NEMF: variants seen among roughly 807,000 people sequenced by gnomAD.
NEMF encodes the protein ribosome quality control complex subunit NEMF.
A neutral mutation model predicts 162.2 loss-of-function variants in NEMF; 89 were observed. The ratio of observed to expected loss-of-function variants is 0.55; its 90% CI spans 0.46 to 0.65. NEMF has a LOEUF of 0.65. Among genes scored for constraint, NEMF ranks in the 30% least tolerant of loss-of-function variants. The pLI is 0.00. For missense variants in NEMF, 1,133 were observed against 1,261.9 expected (o/e 0.90, Z 1.55); for synonymous variants, 421 against 404.5 (o/e 1.04, Z -0.49).
At chr14:49,850,902 C>T (rs1893740921) in intron 3 of NEMF, among the ~76,000 whole-genome samples, 1 of 152,112 alleles carries the variant, frequency 6.6e-6, no homozygotes, top group African/African-American at 2.4e-5. Context: ...GAAAATTATA[C>T]TTTAAAAAAA....
intron 32 of NEMF, 101 bp from the exon 33 acceptor site, chr14:49,784,814 G>T: frequency 7.2e-7 from 1 of 1,390,724 alleles, no homozygotes; most frequent in Non-Finnish European, 1.0e-6. Context: ...TAGCTGAGAT[G>T]GTTTTACTGC....
At chr14:49,830,621 G>A (rs1263078347) in intron 11 of NEMF, among the ~76,000 whole-genome samples, 1 of 152,214 alleles carries the variant, frequency 6.6e-6, no homozygotes, top group Middle Eastern at 3.2e-3. Flanking sequence ...CTGACCTCAA[G>A]TGATCTGCCC....
chr14:49,819,950 T>C (rs148824058), intron 16 of NEMF: 1 of 153,668 alleles, frequency 6.5e-6, no homozygotes, highest in East Asian at 1.9e-4. Flanking sequence ...CATTTTTTTT[T>C]TTTGTTTTTG....
At chr14:49,839,994 A>C (rs1288316718) in intron 5 of NEMF, among the ~76,000 whole-genome samples, 4 of 152,168 alleles carry the variant, frequency 2.6e-5, no homozygotes, top group African/African-American at 9.7e-5. Context: ...CCCCATGTCT[A>C]CAAAAAAATT....
At chr14:49,788,678 C>T (rs961191035) in intron 28 of NEMF, among the ~76,000 whole-genome samples, 10 of 151,844 alleles carry the variant, frequency 6.6e-5, no homozygotes, top group Non-Finnish European at 1.2e-4. Flanking sequence ...CCTCAGCCTC[C>T]CAAGTAGCTG....
intron 17 of NEMF, among the ~76,000 whole-genome samples, 157 bp from the exon 18 acceptor site, chr14:49,814,207 C>A (rs544226614): frequency 2.6e-5 from 4 of 151,994 alleles, no homozygotes; most frequent in African/African-American, 9.6e-5. Flanking sequence ...TCAGGCAATT[C>A]TCCCACCTCA....
chr14:49,846,722 C>T (rs1215803120), intron 3 of NEMF, among the ~76,000 whole-genome samples: 1 of 152,186 alleles, frequency 6.6e-6, no homozygotes, highest in Non-Finnish European at 1.5e-5. Flanking sequence ...GCCTTGGCCT[C>T]CCAAAGTGCT....
intron 11 of NEMF, among the ~76,000 whole-genome samples, chr14:49,830,582 A>G (rs143222702): frequency 1.6e-3 from 237 of 152,274 alleles, no homozygotes; most frequent in African/African-American, 5.4e-3. Flanking sequence ...ACAGGTTTTC[A>G]CCATGCTGGC....
intron 18 of NEMF, among the ~76,000 whole-genome samples, chr14:49,810,558 A>G (rs1273967014): frequency 2.0e-5 from 3 of 152,180 alleles, no homozygotes; most frequent in African/African-American, 7.2e-5. Flanking sequence ...GTTACTCTGT[A>G]GAAAGCTTTA....
At chr14:49,850,749 C>A (rs781136458) in intron 3 of NEMF, among the ~76,000 whole-genome samples, 1 of 150,174 alleles carries the variant, frequency 6.7e-6, no homozygotes, top group South Asian at 2.1e-4. Context: ...CAGAGGAATA[C>A]GACTCACAAA....
At chr14:49,792,945 C>A (rs1408452666) in intron 26 of NEMF, among the ~76,000 whole-genome samples, 1 of 152,092 alleles carries the variant, frequency 6.6e-6, no homozygotes, top group African/African-American at 2.4e-5. Context: ...CACACCACTG[C>A]AGTCCAGCCT....
chr14:49,848,425 T>C (rs1036762045), intron 3 of NEMF, among the ~76,000 whole-genome samples: 1 of 152,200 alleles, frequency 6.6e-6, no homozygotes, highest in African/African-American at 2.4e-5. Flanking sequence ...TATTGAAGTA[T>C]GACATGGACT....
chr14:49,827,153 T>C (rs986301341), intron 15 of NEMF, among the ~76,000 whole-genome samples: 3 of 152,150 alleles, frequency 2.0e-5, no homozygotes, highest in East Asian at 1.9e-4. Flanking sequence ...GGGAAGCAAC[T>C]GGAAGAGAAA....
chr14:49,788,467 A>G (rs886976014), intron 28 of NEMF, among the ~76,000 whole-genome samples: 10 of 151,986 alleles, frequency 6.6e-5, no homozygotes, highest in African/African-American at 2.4e-4. Flanking sequence ...ATTATGTACG[A>G]CCATATGGCA....
At chr14:49,810,022 T>C (rs374467472) in intron 18 of NEMF, among the ~76,000 whole-genome samples, 1 of 152,024 alleles carries the variant, frequency 6.6e-6, no homozygotes, top group South Asian at 2.1e-4. Context: ...GAAATCACTA[T>C]ACATTCTGCT....
intron 18 of NEMF, among the ~76,000 whole-genome samples, chr14:49,807,101 T>C (rs2139878803): frequency 6.6e-6 from 1 of 152,354 alleles, no homozygotes; most frequent in Non-Finnish European, 1.5e-5. Context: ...CTCTATGGTT[T>C]TGCCTATTTT....
chr14:49,841,420 C>G (rs1260576629), intron 4 of NEMF, among the ~76,000 whole-genome samples: 2 of 150,302 alleles, frequency 1.3e-5, no homozygotes, highest in Non-Finnish European at 3.0e-5. Context: ...ACTAAAAATA[C>G]AAAATTAGTT....
chr14:49,822,716 CCT>C (rs1892140955), intron 16 of NEMF, among the ~76,000 whole-genome samples: 1 of 149,206 alleles, frequency 6.7e-6, no homozygotes, highest in Non-Finnish European at 1.5e-5. Flanking sequence ...GTGGCCCTTT[CCT>C]CTCATTTATG....
intron 28 of NEMF, among the ~76,000 whole-genome samples, chr14:49,788,069 A>G (rs1048725211): frequency 2.6e-5 from 4 of 152,194 alleles, no homozygotes; most frequent in Admixed American, 2.6e-4. Context: ...ACCTGAGATC[A>G]GGAGTTCAAG....
Sources: gnomAD v4.1 joint callset for allele counts (sites outside exome capture counted in the v4.1 genomes callset) on GRCh38, gnomAD v4.1.1 for gene constraint, MANE v1.5 for transcripts, NCBI Gene and HGNC (gene_info 2026-07-23, HGNC 2026-07-21) for gene names.